SLC39A11: variants seen among roughly 807,000 people sequenced by gnomAD.
SLC39A11 encodes solute carrier family 39 member 11, also known as zinc transporter ZIP11.
In SLC39A11, 33 loss-of-function variants were observed where a neutral mutation model predicts 36.1. The observed-to-expected ratio is 0.91, with a 90% CI of 0.69 to 1.22. The LOEUF is 1.22. Among genes scored for constraint, SLC39A11 ranks in the 50% most tolerant of loss-of-function variants. SLC39A11 has a pLI of 0.00. For missense variants in SLC39A11, 432 were observed against 430.3 expected (o/e 1.00, Z -0.03); for synonymous variants, 166 against 170.3 (o/e 0.97, Z 0.20).
chr17:73,026,896 T>A (rs916671100), intron 4 of SLC39A11, among the ~76,000 whole-genome samples: 1 of 151,834 alleles, frequency 6.6e-6, no homozygotes, highest in African/African-American at 2.4e-5. Flanking sequence ...AGTAGGAGGA[T>A]TGCTTGAGCT....
chr17:73,076,889 T>A (rs968953110), intron 3 of SLC39A11, among the ~76,000 whole-genome samples: 2 of 151,692 alleles, frequency 1.3e-5, no homozygotes. Flanking sequence ...TTTCTCAGCC[T>A]TGGCATGACT....
chr17:72,648,919 G>A lies in SLC39A11; in HGVS notation c.813C>T (p.Val271=), dbSNP rs899208717. ...LSGMVEPLAG[V]FGAFAVVLAE... is the part of the protein sequence containing the mutation. ...CCAGCACCACGGCAAAGGCACCAAA[G>A]ACCCCGGCCAGGGGCTCCACCATGC... The change falls in exon 9 of 10, where the codon GTC becomes GTT. Residue 271 remains valine (V), a synonymous_variant. Coordinates refer to ENST00000255559, the MANE Select transcript of SLC39A11 (RefSeq NM_139177.4). The A allele has an allele frequency of 2.5e-6, 4 of 1,614,026 alleles. No individual in the cohort carries two copies. Among genetic ancestry groups the A allele is most frequent in the Non-Finnish European group, 3.4e-6 (4 of 1,179,968 alleles).
chr17:73,076,230 G>A (rs2060316779), intron 3 of SLC39A11, among the ~76,000 whole-genome samples: 2 of 150,820 alleles, frequency 1.3e-5, no homozygotes. Flanking sequence ...GAGACTTGGA[G>A]AGTAATTTAA....
At chr17:72,775,452 G>C (rs1598675446) in intron 6 of SLC39A11, among the ~76,000 whole-genome samples, 1 of 152,330 alleles carries the variant, frequency 6.6e-6, no homozygotes, top group Non-Finnish European at 1.5e-5. Flanking sequence ...GGGGAGTCAG[G>C]TGCAGGGCAC....
chr17:73,039,519 GGA>G (rs1014002325), intron 3 of SLC39A11, among the ~76,000 whole-genome samples: 1 of 152,170 alleles, frequency 6.6e-6, no homozygotes, highest in Non-Finnish European at 1.5e-5. Flanking sequence ...GAACGAGGGT[GGA>G]GAAATGAGAA....
intron 6 of SLC39A11, among the ~76,000 whole-genome samples, chr17:72,833,665 G>A (rs1001447520): frequency 2.6e-5 from 4 of 152,202 alleles, no homozygotes; most frequent in African/African-American, 9.7e-5. Flanking sequence ...GACCAATGAT[G>A]TTGGCTTGGG....
At chr17:72,854,243 C>T (rs1472501875) in intron 5 of SLC39A11, among the ~76,000 whole-genome samples, 1 of 151,050 alleles carries the variant, frequency 6.6e-6, no homozygotes, top group Non-Finnish European at 1.5e-5. Context: ...ACTCAGGAGT[C>T]GACTCAGCAT....
intron 4 of SLC39A11, among the ~76,000 whole-genome samples, chr17:72,958,786 G>A (rs2086408926): frequency 6.6e-6 from 1 of 151,930 alleles, no homozygotes; most frequent in African/African-American, 2.4e-5. Context: ...GGGAGGCGGA[G>A]GTTGCAGTGA....
Position 72,732,040 on chromosome 17 carries a change from C to CTTTTCTT in SLC39A11, c.671+4609_671+4610insAAGAAAA, listed in dbSNP as rs1555651341. On this transcript the variant is annotated intron_variant, in intron 7 of 9. Coordinates refer to ENST00000255559, the MANE Select transcript of SLC39A11 (RefSeq NM_139177.4). ...TTTCTTTATTTTTTTCTTTTCTTTT[C>CTTTTCTT]TTTTTTTTTTTTTTTTTTTTTTTTT... Among the ~76,000 whole-genome samples, 48 of 33,668 alleles carry CTTTTCTT rather than the reference C, an allele frequency of 1.4e-3. 4 individuals are homozygous for CTTTTCTT. Among genetic ancestry groups the CTTTTCTT allele is most frequent in the African/African-American group, 3.8e-3 (32 of 8,408 alleles). The allele number at this position is 33,668 out of a possible 152,430, so 22.1% of individuals were successfully genotyped here.
intron 5 of SLC39A11, among the ~76,000 whole-genome samples, chr17:72,945,077 G>A (rs889149181): frequency 1.1e-5 from 1 of 94,776 alleles, no homozygotes; most frequent in Non-Finnish European, 2.1e-5. Context: ...GGATGGGAGA[G>A]AGAATGAAAG....
chr17:72,662,615 G>GAA (rs1474607468), intron 7 of SLC39A11, among the ~76,000 whole-genome samples: 48 of 87,614 alleles, frequency 5.5e-4, no homozygotes, highest in African/African-American at 1.9e-3. Context: ...AGGAAGGAAG[G>GAA]AGAGAAGAAA....
chr17:73,050,083 T>C (rs2059442284), intron 3 of SLC39A11, among the ~76,000 whole-genome samples: 1 of 152,114 alleles, frequency 6.6e-6, no homozygotes. Context: ...ATTGCACCAC[T>C]GCACTCCAGC....
At chr17:72,833,232 C>G (rs184172298) in intron 6 of SLC39A11, among the ~76,000 whole-genome samples, 1 of 149,080 alleles carries the variant, frequency 6.7e-6, no homozygotes, top group South Asian at 2.2e-4. Context: ...ACTGGCAACA[C>G]AGGAATGAAA....
At chr17:72,962,213 T>A (rs1196569430) in intron 4 of SLC39A11, among the ~76,000 whole-genome samples, 1 of 152,184 alleles carries the variant, frequency 6.6e-6, no homozygotes, top group Non-Finnish European at 1.5e-5. Flanking sequence ...CATGCCTGGA[T>A]AAGATTGTCA....
rs1567994721 is a variant in SLC39A11, at chr17:72,729,432, TATATATATA to T, written c.671+7209_671+7217del. 3.8e-3 allele frequency among the ~76,000 whole-genome samples: 13 copies of T among 3,454 alleles called. 1 individual carries two copies. Among genetic ancestry groups the T allele is most frequent in the African/African-American group, 7.6e-3 (8 of 1,052 alleles). The allele number at this position is 3,454 out of a possible 152,430, so 2.3% of individuals were successfully genotyped here. A position where few individuals can be genotyped will look rare whatever the true frequency, so the allele number is the denominator to read the frequency against. ...ATATATATATATATATATATATATA[TATATATATA>T]TATATATATATATATATTTTTTTTT... On this transcript the variant is annotated intron_variant, in intron 7 of 9. Transcript: ENST00000255559.
At chr17:72,852,109 G>A (rs1270609728) in intron 5 of SLC39A11, among the ~76,000 whole-genome samples, 3 of 147,794 alleles carry the variant, frequency 2.0e-5, no homozygotes, top group Non-Finnish European at 4.5e-5. Flanking sequence ...GCTGAGTGAG[G>A]CAGGAGAATG....
chr17:72,720,401 G>A (rs935775767), intron 7 of SLC39A11, among the ~76,000 whole-genome samples: 1 of 152,060 alleles, frequency 6.6e-6, no homozygotes, highest in Admixed American at 6.6e-5. Context: ...CTGGACCTGG[G>A]CTCCGAGTAG....
At chr17:72,899,102 G>A (rs1021056160) in intron 5 of SLC39A11, among the ~76,000 whole-genome samples, 7 of 152,176 alleles carry the variant, frequency 4.6e-5, no homozygotes, top group Admixed American at 6.5e-5. Context: ...AAAAGAAAAC[G>A]TGATGACTTT....
At chr17:72,857,029 T>C (rs1057072253) in intron 5 of SLC39A11, among the ~76,000 whole-genome samples, 1 of 152,210 alleles carries the variant, frequency 6.6e-6, no homozygotes, top group Non-Finnish European at 1.5e-5. Flanking sequence ...AGGTTTGTTA[T>C]ACAGGTAAAC....
Sources: gnomAD v4.1 joint callset for allele counts (sites outside exome capture counted in the v4.1 genomes callset) on GRCh38, gnomAD v4.1.1 for gene constraint, MANE v1.5 for transcripts, NCBI Gene and HGNC (gene_info 2026-07-23, HGNC 2026-07-21) for gene names.